The following TMEM131 variants were observed in gnomAD, a reference collection of about 807,000 sequenced individuals.
The protein encoded by TMEM131 is transmembrane protein 131.
TMEM131 carries 66 observed loss-of-function variants against 211.6 expected under a neutral mutation model. The observed-to-expected ratio is 0.31, with a 90% CI of 0.26 to 0.38. TMEM131 has a LOEUF of 0.38. Ranked by LOEUF, TMEM131 falls within the 10% of genes least tolerant of loss-of-function variation. The pLI, the probability that TMEM131 is intolerant of heterozygous loss-of-function variation, is 1.00. For synonymous variants in TMEM131, 844 were observed against 841.3 expected (o/e 1.00, Z -0.06); for missense variants, 2,036 against 2,299.3 (o/e 0.89, Z 2.34).
At chr2:97,866,478 A>G (rs1674275808) in intron 4 of TMEM131, among the ~76,000 whole-genome samples, 1 of 152,182 alleles carries the variant, frequency 6.6e-6, no homozygotes, top group Non-Finnish European at 1.5e-5. Flanking sequence ...TTTTCAAAGA[A>G]CCAACTTTTG....
At chr2:97,783,048 AAAACT>A (rs1680089811) in intron 31 of TMEM131, among the ~76,000 whole-genome samples, 1 of 152,122 alleles carries the variant, frequency 6.6e-6, no homozygotes, top group African/African-American at 2.4e-5. Context: ...CAAACTTGTG[AAAACT>A]AAAGACAAAA....
In TMEM131 at chr2:97,910,064, C is replaced by G. The variant is rs182643303; in HGVS notation, c.250-1366G>C. Among the ~76,000 whole-genome samples, 3 of 152,146 alleles carry G rather than the reference C, an allele frequency of 2.0e-5. No individual in the cohort carries two copies. In the East Asian group the frequency reaches 5.8e-4, roughly 29 times the overall value. Reference sequence around the variant, plus strand: ...AAGAACAACCAAACTAAAAGGTGGGCAAAGGACTCAAACATTTCTCCAAAG... The same window carrying G: ...AAGAACAACCAAACTAAAAGGTGGGGAAAGGACTCAAACATTTCTCCAAAG... On this transcript the variant is annotated intron_variant, in intron 2 of 40. Coordinates refer to ENST00000186436, the MANE Select transcript of TMEM131 (RefSeq NM_015348.2).
intron 1 of TMEM131, among the ~76,000 whole-genome samples, chr2:97,952,372 A>C (rs62156519): frequency 0.072 from 10,959 of 152,258 alleles, 464 homozygotes; most frequent in Middle Eastern, 0.12. Context: ...AGCGAATTCC[A>C]GATAGGATAA....
chr2:97,888,122 T>C lies in TMEM131; in HGVS notation c.291-2A>G. ...CAATTCCCCCGGTAGAGAGATATAC[T>C]GTAAATAAAAAGAAAACAACATAAG... is the stretch of plus-strand genomic sequence containing the variant. On this transcript the variant is annotated splice_acceptor_variant, in intron 3 of 40. Transcript: ENST00000186436. LOFTEE classifies it high-confidence loss of function. 1 of 1,610,288 alleles carries C rather than the reference T, an allele frequency of 6.2e-7. No individual in the cohort carries two copies. The highest frequency in any genetic ancestry group is 2.2e-5 in the East Asian group (1 of 44,820).
intron 5 of TMEM131, among the ~76,000 whole-genome samples, chr2:97,851,048 A>C (rs771872260): frequency 2.0e-5 from 3 of 151,408 alleles, no homozygotes; most frequent in Non-Finnish European, 4.4e-5. Context: ...AGTTTCTAGT[A>C]ATACCACTAA....
chr2:97,929,452 G>A lies in TMEM131; in HGVS notation c.188-1965C>T, dbSNP rs190247312. 9.5e-4 allele frequency among the ~76,000 whole-genome samples: 144 copies of A among 151,842 alleles called. 1 individual carries two copies. The highest frequency in any genetic ancestry group is 1.7e-3 in the Non-Finnish European group (113 of 68,004). On this transcript the variant is annotated intron_variant, in intron 1 of 40. Coordinates refer to ENST00000186436, the MANE Select transcript of TMEM131 (RefSeq NM_015348.2). ...GGAATTCACTGACTCCCATTTGTTG[G>A]TCTTTTGGAAATCAGGGAAGACACT...
chr2:97,923,125 C>A (rs13028954), intron 2 of TMEM131, among the ~76,000 whole-genome samples: 50,668 of 151,642 alleles, frequency 0.33, 9,306 homozygotes, highest in Non-Finnish European at 0.39. Flanking sequence ...TCTGTCTCTA[C>A]TAAAACTACA....
At chr2:97,863,264 A>C (rs1674139932) in intron 4 of TMEM131, among the ~76,000 whole-genome samples, 2 of 152,206 alleles carry the variant, frequency 1.3e-5, no homozygotes, top group Non-Finnish European at 2.9e-5. Flanking sequence ...TCTTACAAGA[A>C]ATGCTAATGG....
chr2:97,963,673 C>T (rs1172585220), intron 1 of TMEM131, among the ~76,000 whole-genome samples: 1 of 152,178 alleles, frequency 6.6e-6, no homozygotes, highest in East Asian at 1.9e-4. Context: ...GGAGATCGCG[C>T]CACTGCATTC....
intron 2 of TMEM131, among the ~76,000 whole-genome samples, chr2:97,917,061 C>T (rs1282972475): frequency 6.6e-6 from 1 of 152,172 alleles, no homozygotes; most frequent in African/African-American, 2.4e-5. Flanking sequence ...TCTCCATTTC[C>T]TTTTCTCCTG....
At chr2:97,820,441 A>T (rs999880579) in intron 11 of TMEM131, among the ~76,000 whole-genome samples, 10 of 152,218 alleles carry the variant, frequency 6.6e-5, no homozygotes, top group African/African-American at 2.4e-4. Context: ...AAAGAGAGGA[A>T]ATCAGTACAG....
chr2:97,904,691 C>A (rs116365512), intron 3 of TMEM131, among the ~76,000 whole-genome samples: 1 of 151,774 alleles, frequency 6.6e-6, no homozygotes, highest in Non-Finnish European at 1.5e-5. Context: ...TCTATTTTTC[C>A]CATCTGCTTT....
intron 7 of TMEM131, among the ~76,000 whole-genome samples, chr2:97,838,187 C>A (rs563231663): frequency 6.6e-6 from 1 of 152,254 alleles, no homozygotes; most frequent in Admixed American, 6.5e-5. Context: ...TTGGTGTGGT[C>A]ATCTGCTTTC....
intron 19 of TMEM131, among the ~76,000 whole-genome samples, chr2:97,807,700 T>C (rs1681375709): frequency 6.6e-6 from 1 of 152,236 alleles, no homozygotes. Context: ...ATTCCACTCA[T>C]GGGGCTTTTC....
chr2:97,889,196 TC>T (rs772991769), intron 3 of TMEM131, among the ~76,000 whole-genome samples: 65 of 152,222 alleles, frequency 4.3e-4, no homozygotes, highest in Non-Finnish European at 7.6e-4. Flanking sequence ...TTTAGAACAT[TC>T]TTTTGTGTAG....
chr2:97,851,606 G>A (rs1425703377), intron 5 of TMEM131, among the ~76,000 whole-genome samples: 1 of 152,102 alleles, frequency 6.6e-6, no homozygotes, highest in African/African-American at 2.4e-5. Context: ...CTATCTCTGT[G>A]TCACATTTTG....
intron 2 of TMEM131, among the ~76,000 whole-genome samples, chr2:97,918,446 A>T (rs1264422468): frequency 3.3e-5 from 5 of 152,256 alleles, no homozygotes; most frequent in Non-Finnish European, 7.3e-5. Context: ...CAAGAAAAAC[A>T]AATGAATTTA....
chr2:97,841,809 A>T lies in TMEM131; in HGVS notation c.723+6T>A. 6.4e-7 allele frequency: 1 copy of T among 1,573,144 alleles called. No homozygotes were observed. Among genetic ancestry groups the T allele is most frequent in the Non-Finnish European group, 8.6e-7 (1 of 1,161,046 alleles). On this transcript the variant is annotated splice_donor_region_variant and intron_variant, in intron 7 of 40. Transcript: ENST00000186436. The stretch of plus-strand genomic sequence containing the variant: ...AGCTTATTCAAAATTACCATCATAA[A>T]CTCACCTGTAAAGGCTCACTGTGAG...
At chr2:97,845,294 G>T (rs572217925) in intron 5 of TMEM131, among the ~76,000 whole-genome samples, 1 of 152,094 alleles carries the variant, frequency 6.6e-6, no homozygotes, top group South Asian at 2.1e-4. Context: ...TCATACAGGA[G>T]TGTCAGCTAG....
Sources: gnomAD v4.1 joint callset for allele counts (sites outside exome capture counted in the v4.1 genomes callset) on GRCh38, gnomAD v4.1.1 for gene constraint, MANE v1.5 for transcripts, NCBI Gene and HGNC (gene_info 2026-07-23, HGNC 2026-07-21) for gene names.